Variants in CFAP299 observed in about 807,000 individuals in gnomAD.
CFAP299 encodes the protein cilia- and flagella-associated protein 299.
CFAP299 carries 21 observed loss-of-function variants against 27.0 expected under a neutral mutation model. That is an observed-to-expected ratio of 0.78 (90% CI 0.55 to 1.12). CFAP299 has a LOEUF of 1.12. Ranked by LOEUF, CFAP299 falls within the 50% of genes most tolerant of loss-of-function variation. The pLI, the probability that CFAP299 is intolerant of heterozygous loss-of-function variation, is 0.00. For missense variants in CFAP299, 310 were observed against 276.6 expected (o/e 1.12, Z -0.86); for synonymous variants, 104 against 98.1 (o/e 1.06, Z -0.36).
At chr4:80,898,002 G>A (rs1170396475) in intron 4 of CFAP299, among the ~76,000 whole-genome samples, 2 of 152,126 alleles carry the variant, frequency 1.3e-5, no homozygotes, top group Non-Finnish European at 2.9e-5. Context: ...ACTGGCAGGA[G>A]CAAACTCCAT....
chr4:80,362,942 T>C (rs1281501330), intron 2 of CFAP299, 58 bp downstream of exon 2: 3 of 1,511,200 alleles, frequency 2.0e-6, no homozygotes, highest in East Asian at 4.7e-5. Flanking sequence ...TCTGGAGTAA[T>C]TCAATTTCGT....
chr4:80,388,101 C>T (rs556850731), intron 2 of CFAP299: 2 of 688,792 alleles, frequency 2.9e-6, no homozygotes, highest in African/African-American at 1.8e-5. Flanking sequence ...ACCTTCACCA[C>T]ACCATTCCCA....
At chr4:80,705,638 G>A (rs1022580258) in intron 3 of CFAP299, among the ~76,000 whole-genome samples, 1 of 151,798 alleles carries the variant, frequency 6.6e-6, no homozygotes, top group African/African-American at 2.4e-5. Context: ...ACAGGGAAAG[G>A]CATCTTCTAT....
At chr4:80,355,847 T>C (rs1313501707) in intron 1 of CFAP299, among the ~76,000 whole-genome samples, 1 of 152,220 alleles carries the variant, frequency 6.6e-6, no homozygotes, top group Admixed American at 6.5e-5. Flanking sequence ...TTTAATTAAA[T>C]CTCATTTGTC....
At chr4:80,822,751 T>C (rs1729772341) in intron 3 of CFAP299, among the ~76,000 whole-genome samples, 1 of 152,176 alleles carries the variant, frequency 6.6e-6, no homozygotes, top group Admixed American at 6.6e-5. Flanking sequence ...GATTCCCATA[T>C]TCTAATACAA....
intron 2 of CFAP299, among the ~76,000 whole-genome samples, chr4:80,528,977 A>G (rs563611486): frequency 2.1e-4 from 32 of 152,146 alleles, no homozygotes; most frequent in Admixed American, 4.6e-4. Context: ...TTCATCCACT[A>G]TTTTATTTCA....
chr4:80,847,325 A>G (rs1056798694), intron 3 of CFAP299, among the ~76,000 whole-genome samples: 3 of 152,196 alleles, frequency 2.0e-5, no homozygotes, highest in African/African-American at 7.2e-5. Flanking sequence ...CTTCGTAGAC[A>G]TACAGCTGTC....
intron 3 of CFAP299, among the ~76,000 whole-genome samples, chr4:80,720,128 C>A (rs950864570): frequency 6.6e-6 from 1 of 152,016 alleles, no homozygotes; most frequent in African/African-American, 2.4e-5. Flanking sequence ...CATCTATGGT[C>A]ACTGAGAAAT....
At chr4:80,668,091 C>G (rs913770500) in intron 3 of CFAP299, among the ~76,000 whole-genome samples, 1 of 151,794 alleles carries the variant, frequency 6.6e-6, no homozygotes, top group African/African-American at 2.4e-5. Flanking sequence ...AGCTTTTTAT[C>G]TGTTGGCCCT....
intron 1 of CFAP299, among the ~76,000 whole-genome samples, chr4:80,346,091 C>T (rs1426683577): frequency 6.6e-6 from 1 of 152,218 alleles, no homozygotes; most frequent in African/African-American, 2.4e-5. Flanking sequence ...AGTGTCTGCT[C>T]ATATCCTTTG....
At chr4:80,909,588 T>G (rs577938878) in intron 4 of CFAP299, among the ~76,000 whole-genome samples, 1 of 152,138 alleles carries the variant, frequency 6.6e-6, no homozygotes, top group South Asian at 2.1e-4. Flanking sequence ...TAATATTTTC[T>G]AAACTTTCCT....
chr4:80,553,283 T>C (rs1024411502), intron 2 of CFAP299, among the ~76,000 whole-genome samples: 4 of 152,210 alleles, frequency 2.6e-5, no homozygotes, highest in African/African-American at 9.6e-5. Flanking sequence ...CTAAGGATAA[T>C]AGCCTCCAGC....
At position 80,725,847 on chromosome 4, in the gene CFAP299, A is replaced by G. The variant is rs536905136; in HGVS notation, c.333+142664A>G. ...TGCTTCAACTTCATTATACTTTTGT[A>G]GTGATAGAGGACACTTTCCTGTGTG... is the stretch of plus-strand genomic sequence containing the variant. On this transcript the variant is annotated intron_variant, in intron 3 of 5. Transcript: ENST00000358105. Among the ~76,000 whole-genome samples the G allele has an allele frequency of 1.8e-4, 28 of 152,248 alleles. 1 individual carries two copies. Among genetic ancestry groups the G allele is most frequent in the Non-Finnish European group, 7.4e-5 (5 of 68,006 alleles).
At chr4:80,855,348 T>A (rs1330423272) in intron 3 of CFAP299, among the ~76,000 whole-genome samples, 1 of 152,082 alleles carries the variant, frequency 6.6e-6, no homozygotes, top group African/African-American at 2.4e-5. Flanking sequence ...TTCTACTGTT[T>A]ATTTCTCCTT....
intron 2 of CFAP299, among the ~76,000 whole-genome samples, chr4:80,478,274 T>C (rs1326467144): frequency 6.6e-6 from 1 of 152,176 alleles, no homozygotes; most frequent in Non-Finnish European, 1.5e-5. Flanking sequence ...TCCTCTGTAA[T>C]TGCTGAAGCT....
intron 1 of CFAP299, among the ~76,000 whole-genome samples, chr4:80,352,849 G>A (rs1412410803): frequency 6.6e-6 from 1 of 151,658 alleles, no homozygotes; most frequent in East Asian, 1.9e-4. Context: ...AGAAAAATTA[G>A]AAAAAAATTT....
intron 3 of CFAP299, among the ~76,000 whole-genome samples, chr4:80,728,557 A>C (rs979632393): frequency 2.6e-5 from 4 of 152,142 alleles, no homozygotes; most frequent in African/African-American, 9.7e-5. Context: ...TATATTCCCA[A>C]AATAATCTTA....
At chr4:80,661,255 G>A (rs1446981318) in intron 3 of CFAP299, among the ~76,000 whole-genome samples, 2 of 150,834 alleles carry the variant, frequency 1.3e-5, no homozygotes, top group Non-Finnish European at 2.9e-5. Flanking sequence ...GAACCCAGGA[G>A]TCGGAGGTTG....
intron 2 of CFAP299, among the ~76,000 whole-genome samples, chr4:80,431,788 C>T (rs1233765101): frequency 1.3e-5 from 2 of 152,144 alleles, no homozygotes; most frequent in African/African-American, 2.4e-5. Context: ...GCTCAGTAGC[C>T]ATTGAATGCC....
Sources: gnomAD v4.1 joint callset for allele counts (sites outside exome capture counted in the v4.1 genomes callset) on GRCh38, gnomAD v4.1.1 for gene constraint, MANE v1.5 for transcripts, NCBI Gene and HGNC (gene_info 2026-07-23, HGNC 2026-07-21) for gene names.